NUAK1: variants seen among roughly 807,000 people sequenced by gnomAD.
NUAK1 encodes NUAK family SNF1-like kinase 1.
Under a neutral mutation model 56.9 loss-of-function variants are expected in NUAK1, and 26 were observed. The observed-to-expected ratio is 0.46, with a 90% CI of 0.33 to 0.63. The LOEUF is 0.63. NUAK1 is among the 30% of genes least tolerant of loss of function. The probability of loss-of-function intolerance (pLI) is 0.02; values close to 1 mark genes in which losing one functional copy is unlikely to be tolerated. For missense variants in NUAK1, 727 were observed against 876.1 expected (o/e 0.83, Z 2.15); for synonymous variants, 337 against 336.0 (o/e 1.00, Z -0.03).
At chr12:106,083,828 G>C (rs1212678416) in intron 4 of NUAK1, 36 bp downstream of exon 4, 1 of 1,591,412 alleles carries the variant, frequency 6.3e-7, no homozygotes, top group Non-Finnish European at 8.6e-7. Flanking sequence ...GCAAGACCCA[G>C]GCCCTGCATA....
intron 1 of NUAK1, among the ~76,000 whole-genome samples, chr12:106,112,446 GT>G (rs2032870688): frequency 1.3e-5 from 2 of 152,130 alleles, no homozygotes; most frequent in South Asian, 4.1e-4. Context: ...GGCCACACCG[GT>G]CCAAAGCTCC....
chr12:106,138,879 G>A lies in NUAK1; in HGVS notation c.-226C>T, dbSNP rs979708392. On this transcript the variant is annotated 5_prime_UTR_variant, in exon 1 of 7. Coordinates refer to ENST00000261402, the MANE Select transcript of NUAK1 (RefSeq NM_014840.3). This position sits in a 1 kb window ranked among gnomAD's most constrained non-coding sequence, Gnocchi z 5.0. The stretch of plus-strand genomic sequence containing the variant: ...CCGCGCACCGCCCCCCGGCCGCGGC[G>A]AGCTGTGGAGCGTCGGGCGAGGTGG... 1.9e-5 allele frequency: 9 copies of A among 473,216 alleles called. No homozygotes were observed. Among genetic ancestry groups the A allele is most frequent in the East Asian group, 3.9e-5 (1 of 25,648 alleles). 29.3% of individuals were successfully genotyped at this position (473,216 alleles called of 1,614,324 possible). A position where few individuals can be genotyped will look rare whatever the true frequency, so the allele number is the denominator to read the frequency against.
chr12:106,096,589 A>G (rs2032699230), intron 2 of NUAK1, among the ~76,000 whole-genome samples: 1 of 152,194 alleles, frequency 6.6e-6, no homozygotes, highest in African/African-American at 2.4e-5. Context: ...CATGGGTTCA[A>G]AGGAGTAAAC....
At chr12:106,104,067 C>CTT (rs67587816) in intron 2 of NUAK1, 8,478 of 143,498 alleles carry the variant, frequency 0.059, 548 homozygotes, top group African/African-American at 0.17. Flanking sequence ...TGTATTGCTT[C>CTT]TTTTTTTTTT....
intron 2 of NUAK1, among the ~76,000 whole-genome samples, chr12:106,100,859 T>A (rs1174018681): frequency 1.3e-5 from 2 of 152,208 alleles, no homozygotes; most frequent in Non-Finnish European, 2.9e-5. Context: ...TGTGTGTGCA[T>A]TTGACTCTTT....
Position 106,138,201 on chromosome 12 carries a change from G to A in NUAK1, c.240+213C>T, listed in dbSNP as rs981419656. Among the ~76,000 whole-genome samples the A allele has an allele frequency of 3.3e-5, 5 of 152,216 alleles. No homozygotes were observed. Among genetic ancestry groups the A allele is most frequent in the African/African-American group, 1.2e-4 (5 of 41,454 alleles). On this transcript the variant is annotated intron_variant, in intron 1 of 6. Coordinates refer to ENST00000261402, the MANE Select transcript of NUAK1 (RefSeq NM_014840.3). This position sits in a 1 kb window ranked among gnomAD's most constrained non-coding sequence, Gnocchi z 5.0. Reference sequence around the variant, plus strand: ...CAAACCAAAAAATAAAATAAAATATGTGCAGACAGGATGTAACAAGTGTTT... The same window carrying A: ...CAAACCAAAAAATAAAATAAAATATATGCAGACAGGATGTAACAAGTGTTT...
At chr12:106,095,748 G>A (rs904526127) in intron 2 of NUAK1, among the ~76,000 whole-genome samples, 2 of 152,206 alleles carry the variant, frequency 1.3e-5, no homozygotes, top group Non-Finnish European at 1.5e-5. Flanking sequence ...GTGAAGGAAT[G>A]GCAGAAATAG....
At chr12:106,075,670 T>C (rs774519011) in intron 4 of NUAK1, among the ~76,000 whole-genome samples, 18 of 152,366 alleles carry the variant, frequency 1.2e-4, no homozygotes, top group Non-Finnish European at 2.2e-4. Context: ...CCAGGGACTC[T>C]TGACAGTGAA....
chr12:106,127,289 C>T (rs1342455563), intron 1 of NUAK1, among the ~76,000 whole-genome samples: 1 of 152,144 alleles, frequency 6.6e-6, no homozygotes, highest in Admixed American at 6.5e-5. Context: ...CTTGGCCCCC[C>T]AAGTAGCCAG....
intron 1 of NUAK1, among the ~76,000 whole-genome samples, chr12:106,136,440 G>A (rs908380622): frequency 1.3e-5 from 2 of 152,168 alleles, no homozygotes; most frequent in African/African-American, 2.4e-5. Context: ...TCCCCCAAAA[G>A]AGAAAGGCGG....
chr12:106,111,903 A>T (rs1357366968), intron 1 of NUAK1, among the ~76,000 whole-genome samples: 1 of 29,298 alleles, frequency 3.4e-5, no homozygotes, highest in African/African-American at 5.5e-4. Flanking sequence ...CATAGCCTGT[A>T]AAAAAAAAAA....
intron 1 of NUAK1, among the ~76,000 whole-genome samples, chr12:106,111,707 T>C (rs974967780): frequency 6.6e-6 from 1 of 152,160 alleles, no homozygotes; most frequent in Non-Finnish European, 1.5e-5. Context: ...TAGCCAGGTC[T>C]TAGTGCTTCG....
At chr12:106,076,779 G>A (rs2136458618) in intron 4 of NUAK1, among the ~76,000 whole-genome samples, 1 of 152,290 alleles carries the variant, frequency 6.6e-6, no homozygotes, top group African/African-American at 2.4e-5. Context: ...ATGATTCCAT[G>A]TACATGAGGT....
chr12:106,084,699 G>C (rs540999548), intron 3 of NUAK1, among the ~76,000 whole-genome samples: 1 of 151,914 alleles, frequency 6.6e-6, no homozygotes, highest in East Asian at 1.9e-4. Flanking sequence ...ATAGGCTGTC[G>C]GTCTACACAG....
At chr12:106,108,914 G>A (rs2032831670) in intron 1 of NUAK1, among the ~76,000 whole-genome samples, 2 of 152,288 alleles carry the variant, frequency 1.3e-5, no homozygotes, top group South Asian at 4.1e-4. Context: ...AAAGGAAAGT[G>A]CCCACATTCT....
intron 1 of NUAK1, among the ~76,000 whole-genome samples, chr12:106,130,130 C>T (rs754691583): frequency 1.1e-4 from 17 of 152,172 alleles, no homozygotes; most frequent in Non-Finnish European, 1.6e-4. Context: ...TACAGGCATG[C>T]GCCACCACGC....
chr12:106,070,578 T>A (rs2032395320), intron 6 of NUAK1, among the ~76,000 whole-genome samples, 196 bp downstream of exon 6: 1 of 152,210 alleles, frequency 6.6e-6, no homozygotes, highest in South Asian at 2.1e-4. Flanking sequence ...AGGTGTGCTC[T>A]GAAAATTTCC....
At chr12:106,087,675 G>A (rs1027907542) in intron 2 of NUAK1, among the ~76,000 whole-genome samples, 6 of 152,316 alleles carry the variant, frequency 3.9e-5, no homozygotes, top group Admixed American at 2.0e-4. Context: ...TACCTCACAT[G>A]TACTGACTCA....
rs1241531968 is a variant in NUAK1 at position 106,119,456 on chromosome 12, T to C, written c.241-12931A>G. The stretch of plus-strand genomic sequence containing the variant: ...AGAAATGCCACTCAAAGAAATGCCA[T>C]GGATTCCATGCACGGCGCCCCTGCA... On this transcript the variant is annotated intron_variant, in intron 1 of 6. Transcript: ENST00000261402. 2.6e-5 allele frequency among the ~76,000 whole-genome samples: 4 copies of C among 152,124 alleles called. No individual in the cohort carries two copies. In the East Asian group the frequency reaches 5.8e-4, roughly 22 times the overall value.
Sources: allele counts gnomAD v4.1 joint callset (sites outside exome capture counted in the v4.1 genomes callset), GRCh38; gene constraint gnomAD v4.1.1; non-coding constraint Gnocchi (gnomAD v3.1); transcripts MANE v1.5; gene names NCBI Gene and HGNC (gene_info 2026-07-23, HGNC 2026-07-21).